The following KCNN3 variants were observed in gnomAD, a reference collection of about 807,000 sequenced individuals.
KCNN3 encodes the protein small conductance calcium-activated potassium channel protein 3.
A neutral mutation model predicts 62.9 loss-of-function variants in KCNN3; 16 were observed. The observed-to-expected ratio is 0.25, with a 90% confidence interval of 0.17 to 0.39. The LOEUF (loss-of-function observed/expected upper bound fraction) is 0.39. KCNN3 is among the 10% of genes least tolerant of loss of function. KCNN3 has a pLI of 1.00. For missense variants in KCNN3, 599 were observed against 949.4 expected (o/e 0.63, Z 4.85); for synonymous variants, 370 against 389.2 (o/e 0.95, Z 0.58).
chr1:154,741,537 G>A (rs1456508081), intron 3 of KCNN3, among the ~76,000 whole-genome samples: 2 of 152,176 alleles, frequency 1.3e-5, no homozygotes, highest in Non-Finnish European at 2.9e-5. Flanking sequence ...CAAGGTGGCT[G>A]CCAAATTCCT....
At chr1:154,730,764 G>A (rs1439062347) in intron 4 of KCNN3, among the ~76,000 whole-genome samples, 1 of 152,196 alleles carries the variant, frequency 6.6e-6, no homozygotes, top group Non-Finnish European at 1.5e-5. Flanking sequence ...TATGGAAGGT[G>A]GGAATTGGCT....
Position 154,822,118 on chromosome 1 carries a change from T to C in KCNN3, c.1000A>G (p.Ile334Val). 3.1e-6 allele frequency: 5 copies of C among 1,614,022 alleles called. No homozygotes were observed. The highest frequency in any genetic ancestry group is 4.2e-6 in the Non-Finnish European group (5 of 1,179,940). The change falls in exon 2 of 8, where the codon ATC becomes GTC. Residue 334 changes from isoleucine to valine, a missense_variant. Around this residue, in one of 7 missense-constraint regions of KCNN3, gnomAD observed 288 missense variants for 557.4 expected, o/e 0.52. Coordinates refer to ENST00000271915, the MANE Select transcript of KCNN3 (RefSeq NM_002249.6). ...ACTTCACGTGTGTGGTAGGCGATGA[T>C]CAAGCCCAAAAGGATGATGGTGGAC... is the stretch of plus-strand genomic sequence containing the variant. ...SLSTIILLGL[I>V]IAYHTREVQL...
In KCNN3 at chr1:154,822,165, G is replaced by T; in HGVS notation, c.953C>A (p.Ala318Asp). The T allele has an allele frequency of 6.2e-7, 1 of 1,613,628 alleles. No individual in the cohort carries two copies. The highest frequency in any genetic ancestry group is 8.5e-7 in the Non-Finnish European group (1 of 1,179,508). ...LYSKDSMFSL[A>D]LKCLISLSTI... ...GGACAGACTGATAAGGCATTTCAGG[G>T]CCAACGAAAACATGGAGTCCTGCAG... The change falls in exon 2 of 8, where the codon GCC (alanine) becomes GAC (aspartate). Residue 318 changes from alanine (A) to aspartate (D), a missense_variant. Transcript: ENST00000271915.
At chr1:154,714,625 GT>G (rs1700195053) in intron 6 of KCNN3, among the ~76,000 whole-genome samples, 4 of 127,462 alleles carry the variant, frequency 3.1e-5, no homozygotes, top group African/African-American at 1.3e-4. Context: ...GTGTGTGTGT[GT>G]GTGTGTGTGT....
chr1:154,789,410 G>A (rs557803088), intron 2 of KCNN3, among the ~76,000 whole-genome samples: 4 of 151,878 alleles, frequency 2.6e-5, no homozygotes, highest in Non-Finnish European at 5.9e-5. Flanking sequence ...TATTTTGGCA[G>A]GGTGGTGGTC....
At chr1:154,720,201 T>C (rs1700318431) in intron 5 of KCNN3, among the ~76,000 whole-genome samples, 1 of 152,210 alleles carries the variant, frequency 6.6e-6, no homozygotes, top group African/African-American at 2.4e-5. Flanking sequence ...CCCTCGCCCC[T>C]TTCTGGGCCT....
At chr1:154,792,761 AC>A (rs1649572010) in intron 2 of KCNN3, among the ~76,000 whole-genome samples, 1 of 152,126 alleles carries the variant, frequency 6.6e-6, no homozygotes, top group South Asian at 2.1e-4. Context: ...GAGAATGCCC[AC>A]CCCAGAAGCA....
At chr1:154,864,248 G>C (rs995997568) in intron 1 of KCNN3, among the ~76,000 whole-genome samples, 13 of 152,188 alleles carry the variant, frequency 8.5e-5, no homozygotes, top group Non-Finnish European at 5.9e-5. Context: ...TTCCACCATG[G>C]CCTGAAACAC....
chr1:154,816,476 G>T (rs577656929), intron 2 of KCNN3, among the ~76,000 whole-genome samples: 1 of 152,188 alleles, frequency 6.6e-6, no homozygotes, highest in Non-Finnish European at 1.5e-5. Flanking sequence ...TACCTGCTAC[G>T]TGCCCGGCAT....
At position 154,711,538 on chromosome 1, in the gene KCNN3, A is replaced by T. The variant is rs373620900; in HGVS notation, c.1899+1926T>A. The stretch of plus-strand genomic sequence containing the variant: ...AAAAAAAGAAAGTTTGGTTTGCCTC[A>T]TGTCCCCAGGGAACATCAGTCACAG... On this transcript the variant is annotated intron_variant, in intron 7 of 7. Coordinates refer to ENST00000271915, the MANE Select transcript of KCNN3 (RefSeq NM_002249.6). Among the ~76,000 whole-genome samples the T allele has an allele frequency of 3.9e-4, 59 of 151,790 alleles. No individual in the cohort carries two copies. In the East Asian group the frequency reaches 9.3e-3, roughly 24 times the overall value.
At chr1:154,832,077 C>T (rs564615244) in intron 1 of KCNN3, among the ~76,000 whole-genome samples, 36 of 152,072 alleles carry the variant, frequency 2.4e-4, no homozygotes, top group Admixed American at 7.2e-4. Context: ...TTCATACTAA[C>T]GGAAATATAA....
intron 7 of KCNN3, among the ~76,000 whole-genome samples, chr1:154,711,045 T>C (rs1700063039): frequency 6.6e-6 from 1 of 152,124 alleles, no homozygotes; most frequent in South Asian, 2.1e-4. Context: ...CATGCACACG[T>C]ATGTTTATTG....
At chr1:154,868,426 G>T in intron 1 of KCNN3, 1 of 874,838 alleles carries the variant, frequency 1.1e-6, no homozygotes, top group East Asian at 1.2e-4. Flanking sequence ...GACTCTCTGA[G>T]AAGAGGAGGG....
intron 3 of KCNN3, among the ~76,000 whole-genome samples, chr1:154,755,932 TG>T (rs1647663337): frequency 4.0e-5 from 1 of 24,906 alleles, no homozygotes; most frequent in African/African-American, 1.8e-4. Context: ...GAAGAAGAGG[TG>T]GAGGATGGGG....
intron 3 of KCNN3, among the ~76,000 whole-genome samples, chr1:154,769,479 C>T (rs1380138311): frequency 6.6e-6 from 1 of 152,188 alleles, no homozygotes; most frequent in Admixed American, 6.5e-5. Context: ...ACTAACCCAG[C>T]CTCAGCTTGG....
At chr1:154,732,291 C>T (rs764114226) in intron 4 of KCNN3, among the ~76,000 whole-genome samples, 28 of 152,274 alleles carry the variant, frequency 1.8e-4, no homozygotes, top group Middle Eastern at 3.4e-3. Flanking sequence ...TGTGTGCCTC[C>T]GCGAGAGTGT....
chr1:154,861,415 C>T (rs956709713), intron 1 of KCNN3, among the ~76,000 whole-genome samples: 1 of 152,144 alleles, frequency 6.6e-6, no homozygotes, highest in Non-Finnish European at 1.5e-5. Context: ...ACTGCCTGCC[C>T]AAAGCCTCTC....
intron 2 of KCNN3, among the ~76,000 whole-genome samples, chr1:154,808,539 C>T (rs958580142): frequency 6.6e-6 from 1 of 152,188 alleles, no homozygotes; most frequent in Non-Finnish European, 1.5e-5. Context: ...GTGCTTATCT[C>T]TCCATTAGAT....
chr1:154,852,210 C>CT (rs35319660), intron 1 of KCNN3, among the ~76,000 whole-genome samples: 100,948 of 150,024 alleles, frequency 0.67, 36,565 homozygotes, highest in East Asian at 0.99. Context: ...TGAATCTATT[C>CT]TTTTTTTTTT....
Sources: allele counts gnomAD v4.1 joint callset (sites outside exome capture counted in the v4.1 genomes callset), GRCh38; gene constraint gnomAD v4.1.1; regional missense constraint gnomAD v4.1.1; transcripts MANE v1.5; gene names NCBI Gene and HGNC (gene_info 2026-07-23, HGNC 2026-07-21).